The following MYT1L variants were observed in gnomAD, a reference collection of about 807,000 sequenced individuals.
MYT1L encodes myelin transcription factor 1 like, also known as myelin transcription factor 1-like protein.
In MYT1L, 12 loss-of-function variants were observed where a neutral mutation model predicts 126.7. The observed-to-expected ratio is 0.09, with a 90% CI of 0.06 to 0.15. The LOEUF (loss-of-function observed/expected upper bound fraction) is 0.15. MYT1L is among the 10% of genes least tolerant of loss of function. The pLI, the probability that MYT1L is intolerant of heterozygous loss-of-function variation, is 1.00. For synonymous variants in MYT1L, 541 were observed against 604.2 expected, an observed-to-expected ratio of 0.90 and a Z score of 1.53; for missense variants, 979 against 1,585.2, an observed-to-expected ratio of 0.62 and a Z score of 6.49.
At chr2:1,947,551 C>G (rs1169373982) in intron 8 of MYT1L, among the ~76,000 whole-genome samples, 2 of 152,150 alleles carry the variant, frequency 1.3e-5, no homozygotes, top group Non-Finnish European at 2.9e-5. Flanking sequence ...GGCGGGCTGC[C>G]TCCTGCTCAC....
intron 2 of MYT1L, among the ~76,000 whole-genome samples, chr2:2,274,702 A>G (rs1308346746): frequency 1.3e-5 from 2 of 152,210 alleles, no homozygotes; most frequent in East Asian, 3.8e-4. Context: ...CTATGTTTCT[A>G]ATAACATCAC....
At chr2:2,045,525 C>A (rs369296442) in intron 4 of MYT1L, among the ~76,000 whole-genome samples, 4 of 152,192 alleles carry the variant, frequency 2.6e-5, no homozygotes, top group African/African-American at 4.8e-5. Flanking sequence ...AAATGAATAA[C>A]CTCATAGCCT....
chr2:2,021,010 A>C (rs1185342133), intron 4 of MYT1L, among the ~76,000 whole-genome samples: 1 of 152,220 alleles, frequency 6.6e-6, no homozygotes, highest in Non-Finnish European at 1.5e-5. Flanking sequence ...CTGCGTCCTC[A>C]GGGTCCCTCT....
At chr2:2,101,713 C>T (rs1022921522) in intron 3 of MYT1L, among the ~76,000 whole-genome samples, 10 of 152,090 alleles carry the variant, frequency 6.6e-5, no homozygotes, top group African/African-American at 2.4e-4. Context: ...TTAATCCATC[C>T]AGCCATCCAT....
intron 2 of MYT1L, among the ~76,000 whole-genome samples, chr2:2,180,957 C>T (rs1348468706): frequency 5.4e-5 from 7 of 129,930 alleles, no homozygotes; most frequent in African/African-American, 2.1e-4. Flanking sequence ...CCTGTGTGTG[C>T]ACCTGTAACC....
At chr2:2,126,857 T>C (rs936381864) in intron 3 of MYT1L, among the ~76,000 whole-genome samples, 1 of 152,240 alleles carries the variant, frequency 6.6e-6, no homozygotes, top group African/African-American at 2.4e-5. Flanking sequence ...ACCAAAATTT[T>C]CATTCCTTGA....
At chr2:2,159,547 T>C (rs1022181281) in intron 3 of MYT1L, among the ~76,000 whole-genome samples, 11 of 151,996 alleles carry the variant, frequency 7.2e-5, no homozygotes, top group African/African-American at 2.4e-5. Context: ...GCGGGCTGTG[T>C]TCAGACCAGC....
At chr2:2,243,428 G>A (rs2094474626) in intron 2 of MYT1L, among the ~76,000 whole-genome samples, 1 of 152,138 alleles carries the variant, frequency 6.6e-6, no homozygotes, top group Admixed American at 6.6e-5. Flanking sequence ...CCTTAATTGG[G>A]ACAGTGGGAT....
At chr2:2,310,029 C>T (rs910264547) in intron 1 of MYT1L, among the ~76,000 whole-genome samples, 2 of 151,928 alleles carry the variant, frequency 1.3e-5, no homozygotes, top group African/African-American at 4.8e-5. Flanking sequence ...ATGTATACTT[C>T]ACTGGCATGT....
chr2:1,859,474 C>T (rs78806798), intron 18 of MYT1L, among the ~76,000 whole-genome samples: 1 of 152,308 alleles, frequency 6.6e-6, no homozygotes, highest in East Asian at 1.9e-4. Context: ...CAAGGGTCAT[C>T]ATGCAAATGA....
At chr2:2,233,527 G>A (rs1024931584) in intron 2 of MYT1L, among the ~76,000 whole-genome samples, 17 of 152,216 alleles carry the variant, frequency 1.1e-4, no homozygotes, top group African/African-American at 2.4e-4. Context: ...GGGATGGGGC[G>A]GCCTCTGGTG....
chr2:2,314,249 C>A (rs989164426), intron 1 of MYT1L, among the ~76,000 whole-genome samples: 8 of 152,124 alleles, frequency 5.3e-5, no homozygotes, highest in African/African-American at 1.9e-4. Flanking sequence ...AAACTGCCTG[C>A]CATATATATT....
intron 21 of MYT1L, among the ~76,000 whole-genome samples, chr2:1,833,908 G>A (rs1243850744): frequency 6.6e-6 from 1 of 152,234 alleles, no homozygotes; most frequent in Non-Finnish European, 1.5e-5. Context: ...TCCCCATGAA[G>A]TGAAGTGGAA....
At position 1,887,759 on chromosome 2, in the gene MYT1L, C is replaced by G; in HGVS notation, c.2521-150G>C. ...CCTTTTGGTCCTGATAACGCCCCTACTGAAAATGCATATTGAACTTTTCTT... is the reference window on the plus strand; with the variant it reads ...CCTTTTGGTCCTGATAACGCCCCTAGTGAAAATGCATATTGAACTTTTCTT... On this transcript the variant is annotated intron_variant, in intron 16 of 24. Coordinates refer to ENST00000647738, the MANE Select transcript of MYT1L (RefSeq NM_001303052.2). The surrounding 1 kb of genome is among the most constrained non-coding windows in gnomAD (Gnocchi z 4.8). The G allele has an allele frequency of 2.2e-6, 2 of 910,328 alleles. No individual in the cohort carries two copies. The highest frequency in any genetic ancestry group is 3.4e-6 in the Non-Finnish European group (2 of 593,390). 56.4% of individuals were successfully genotyped at this position (910,328 alleles called of 1,614,324 possible). A position where few individuals can be genotyped will look rare whatever the true frequency, so the allele number is the denominator to read the frequency against.
intron 2 of MYT1L, among the ~76,000 whole-genome samples, chr2:2,240,617 G>A (rs1028510881): frequency 4.6e-5 from 7 of 152,122 alleles, no homozygotes; most frequent in Admixed American, 4.6e-4. Flanking sequence ...ACGAGAAAAC[G>A]ATAATGCAGC....
intron 19 of MYT1L, among the ~76,000 whole-genome samples, chr2:1,850,153 C>CCCCTT (rs147604466): frequency 7.3e-6 from 1 of 136,060 alleles, no homozygotes; most frequent in East Asian, 2.5e-4. Context: ...CCCTTTCCTT[C>CCCCTT]CCCTTCCCTT....
rs529358000 is a variant in MYT1L at position 1,915,340 on chromosome 2, G to A, written c.1618+1865C>T. Among the ~76,000 whole-genome samples the A allele has an allele frequency of 5.3e-5, 8 of 152,154 alleles. No individual in the cohort carries two copies. In the South Asian group the frequency reaches 6.2e-4, roughly 12 times the overall value. On this transcript the variant is annotated intron_variant, in intron 11 of 24. Coordinates refer to ENST00000647738, the MANE Select transcript of MYT1L (RefSeq NM_001303052.2). The stretch of plus-strand genomic sequence containing the variant: ...GTATTGTCTGGCATGCACCTGTGCC[G>A]CCCATGTCAGAGCTGACTCTCCTTG...
At position 1,875,037 on chromosome 2, in the gene MYT1L, A is replaced by T. The variant is rs541583439; in HGVS notation, c.2711+11502T>A. 5.9e-5 allele frequency among the ~76,000 whole-genome samples: 9 copies of T among 152,134 alleles called. No individual in the cohort carries two copies. In the South Asian group the frequency reaches 6.2e-4, roughly 11 times the overall value. ...GGTGCAGATAAGTATATTCTCATTT[A>T]TTCATTAGCTTTTTTACTTAAAGGC... On this transcript the variant is annotated intron_variant, in intron 18 of 24. Transcript: ENST00000647738.
At chr2:1,878,738 C>G (rs2047215566) in intron 18 of MYT1L, among the ~76,000 whole-genome samples, 1 of 152,296 alleles carries the variant, frequency 6.6e-6, no homozygotes, top group Admixed American at 6.5e-5. Context: ...TTTCCATAAC[C>G]AAGTCACATT....
Sources: gnomAD v4.1 joint callset for allele counts (sites outside exome capture counted in the v4.1 genomes callset) on GRCh38, gnomAD v4.1.1 for gene constraint, Gnocchi (gnomAD v3.1) non-coding constraint, MANE v1.5 for transcripts, NCBI Gene and HGNC (gene_info 2026-07-23, HGNC 2026-07-21) for gene names.